CACNA2D3: variants seen among roughly 807,000 people sequenced by gnomAD.
CACNA2D3 encodes voltage-dependent calcium channel subunit alpha-2/delta-3.
In CACNA2D3, 60 loss-of-function variants were observed where a neutral mutation model predicts 160.6. The observed-to-expected ratio is 0.37, with a 90% CI of 0.30 to 0.46. CACNA2D3 has a LOEUF of 0.46. Among genes scored for constraint, CACNA2D3 ranks in the 20% least tolerant of loss-of-function variants. The pLI, the probability that CACNA2D3 is intolerant of heterozygous loss-of-function variation, is 1.00. For missense variants in CACNA2D3, 1,205 were observed against 1,365.0 expected (o/e 0.88, Z 1.85); for synonymous variants, 558 against 492.9 (o/e 1.13, Z -1.75).
At position 54,382,336 on chromosome 3, in the gene CACNA2D3, G is replaced by A. The variant is rs116069031; in HGVS notation, c.322-4379G>A. 2.1e-3 allele frequency among the ~76,000 whole-genome samples: 319 copies of A among 152,264 alleles called. 1 individual carries two copies. The highest frequency in any genetic ancestry group is 6.9e-3 in the African/African-American group (288 of 41,570). ...TTACCTGCAGATTTGTTTTAAAAAC[G>A]TATTTCATTGGACTTAGATGATTAT... On this transcript the variant is annotated intron_variant, in intron 3 of 37. Transcript: ENST00000474759.
At chr3:54,978,897 C>CAT (rs1702447358) in intron 29 of CACNA2D3, among the ~76,000 whole-genome samples, 1 of 152,170 alleles carries the variant, frequency 6.6e-6, no homozygotes. Flanking sequence ...GTTCTTGAAA[C>CAT]ATAATTGTTC....
At chr3:54,519,490 G>C (rs1325398517) in intron 5 of CACNA2D3, among the ~76,000 whole-genome samples, 1 of 152,194 alleles carries the variant, frequency 6.6e-6, no homozygotes, top group Non-Finnish European at 1.5e-5. Context: ...CCCCACCCCA[G>C]AGTGAATTGG....
intron 9 of CACNA2D3, among the ~76,000 whole-genome samples, chr3:54,586,015 A>C (rs1004228394): frequency 3.9e-5 from 6 of 152,186 alleles, no homozygotes; most frequent in African/African-American, 1.4e-4. Flanking sequence ...CTGTAATCCT[A>C]GCACTTTGGG....
chr3:54,346,825 C>T (rs757329353), intron 3 of CACNA2D3, among the ~76,000 whole-genome samples: 10 of 152,196 alleles, frequency 6.6e-5, no homozygotes, highest in Admixed American at 2.0e-4. Context: ...TAAAAATCTG[C>T]TGTGCTCTTG....
chr3:54,722,042 T>C (rs1701179062), intron 11 of CACNA2D3, among the ~76,000 whole-genome samples: 1 of 152,242 alleles, frequency 6.6e-6, no homozygotes, highest in African/African-American at 2.4e-5. Context: ...CACTTTCAGG[T>C]ACACCAATCA....
At chr3:54,507,336 T>C (rs1701387219) in intron 5 of CACNA2D3, among the ~76,000 whole-genome samples, 1 of 152,078 alleles carries the variant, frequency 6.6e-6, no homozygotes, top group African/African-American at 2.4e-5. Context: ...CTTTTTGTCT[T>C]GTGTGATGGA....
At chr3:54,199,213 T>C (rs1238076765) in intron 2 of CACNA2D3, among the ~76,000 whole-genome samples, 2 of 152,226 alleles carry the variant, frequency 1.3e-5, no homozygotes, top group Non-Finnish European at 2.9e-5. Context: ...ACTAACTCTT[T>C]GGCAAATCTG....
chr3:54,459,219 C>G (rs1355493225), intron 4 of CACNA2D3, among the ~76,000 whole-genome samples: 3 of 151,960 alleles, frequency 2.0e-5, no homozygotes, highest in Non-Finnish European at 2.9e-5. Flanking sequence ...GTGGATAGTG[C>G]TGCAATAAAC....
intron 5 of CACNA2D3, among the ~76,000 whole-genome samples, chr3:54,557,763 T>C (rs1559512219): frequency 6.6e-6 from 1 of 152,200 alleles, no homozygotes; most frequent in African/African-American, 2.4e-5. Flanking sequence ...AGAGATCCAT[T>C]TTCCAGGATC....
chr3:54,988,339 A>C (rs1389563675), intron 31 of CACNA2D3, among the ~76,000 whole-genome samples: 2 of 152,188 alleles, frequency 1.3e-5, no homozygotes, highest in Non-Finnish European at 2.9e-5. Context: ...GATCCTGAAT[A>C]AAGCTTGTGT....
At chr3:55,010,016 G>C (rs1703175440) in intron 34 of CACNA2D3, among the ~76,000 whole-genome samples, 1 of 152,308 alleles carries the variant, frequency 6.6e-6, no homozygotes, top group African/African-American at 2.4e-5. Context: ...CCTATGCTAA[G>C]CACAATGGGG....
intron 3 of CACNA2D3, among the ~76,000 whole-genome samples, chr3:54,328,639 A>G (rs919899366): frequency 1.3e-5 from 2 of 152,112 alleles, no homozygotes; most frequent in African/African-American, 4.8e-5. Context: ...CCGGCTCCTC[A>G]TCTGTCCTGC....
Position 54,599,962 on chromosome 3 carries a change from G to T in CACNA2D3, c.963+18085G>T, listed in dbSNP as rs545283596. On this transcript the variant is annotated intron_variant, in intron 9 of 37. Transcript: ENST00000474759. The stretch of plus-strand genomic sequence containing the variant: ...CCATCCAGATGCCAGGTCCTATGTT[G>T]TGCTGGCCAAGGGACCTGGCGGCAT... 3.8e-4 allele frequency among the ~76,000 whole-genome samples: 58 copies of T among 152,308 alleles called. No individual in the cohort carries two copies. The East Asian group carries it at 9.7e-3, about 25-fold the overall frequency.
intron 5 of CACNA2D3, among the ~76,000 whole-genome samples, chr3:54,556,355 T>C (rs1244963424): frequency 6.7e-6 from 1 of 148,284 alleles, no homozygotes; most frequent in Non-Finnish European, 1.5e-5. Flanking sequence ...AAGATGGAGG[T>C]GGAGATGGAA....
At position 54,760,369 on chromosome 3, in the gene CACNA2D3, G is replaced by A. The variant is rs1047658286; in HGVS notation, c.1247-3849G>A. On this transcript the variant is annotated intron_variant, in intron 12 of 37. Coordinates refer to ENST00000474759, the MANE Select transcript of CACNA2D3 (RefSeq NM_018398.3). Reference sequence around the variant, plus strand: ...GAACGCAGTTGGCATGTGAGAGGCGGGGAAAGAAGGCCAGCAAGCCTGAAC... The same window carrying A: ...GAACGCAGTTGGCATGTGAGAGGCGAGGAAAGAAGGCCAGCAAGCCTGAAC... Among the ~76,000 whole-genome samples, 6 of 152,232 alleles carry A rather than the reference G, an allele frequency of 3.9e-5. No individual in the cohort carries two copies. In the South Asian group the frequency reaches 1.2e-3, roughly 32 times the overall value.
At chr3:54,384,173 C>CT (rs1444911945) in intron 3 of CACNA2D3, among the ~76,000 whole-genome samples, 7 of 151,650 alleles carry the variant, frequency 4.6e-5, no homozygotes, top group African/African-American at 1.7e-4. Context: ...TGTAGTTTTA[C>CT]TTTATCTTTT....
chr3:54,207,845 T>C (rs1701300541), intron 2 of CACNA2D3, among the ~76,000 whole-genome samples: 1 of 152,110 alleles, frequency 6.6e-6, no homozygotes, highest in Non-Finnish European at 1.5e-5. Flanking sequence ...AAGATTACTT[T>C]GGATTAGCTA....
chr3:54,747,579 A>G (rs1701775938), intron 11 of CACNA2D3, among the ~76,000 whole-genome samples: 1 of 151,958 alleles, frequency 6.6e-6, no homozygotes, highest in South Asian at 2.1e-4. Flanking sequence ...ATCTCTCCTG[A>G]AAAAAAAGGA....
intron 17 of CACNA2D3, among the ~76,000 whole-genome samples, chr3:54,870,210 G>C (rs966704207): frequency 3.9e-5 from 6 of 152,144 alleles, no homozygotes; most frequent in Non-Finnish European, 8.8e-5. Flanking sequence ...TCATCCCACT[G>C]GGGGTCAGTT....
Sources: allele counts gnomAD v4.1 joint callset (sites outside exome capture counted in the v4.1 genomes callset), GRCh38; gene constraint gnomAD v4.1.1; transcripts MANE v1.5; gene names NCBI Gene and HGNC (gene_info 2026-07-23, HGNC 2026-07-21).